Variants in CPQ observed in about 807,000 individuals in gnomAD.
CPQ encodes the protein Ser-Met dipeptidase.
In CPQ, 37 loss-of-function variants were observed where a neutral mutation model predicts 45.7. The ratio of observed to expected loss-of-function variants is 0.81; its 90% confidence interval spans 0.62 to 1.07. The LOEUF (loss-of-function observed/expected upper bound fraction) is 1.07. CPQ is among the 50% of genes least tolerant of loss of function. The probability of loss-of-function intolerance (pLI) is 0.00; values close to 1 mark genes in which losing one functional copy is unlikely to be tolerated. For missense variants in CPQ, 537 were observed against 572.9 expected (o/e 0.94, Z 0.64); for synonymous variants, 186 against 205.8 (o/e 0.90, Z 0.82).
intron 1 of CPQ, among the ~76,000 whole-genome samples, chr8:96,713,040 C>G (rs1306698264): frequency 6.6e-6 from 1 of 152,208 alleles, no homozygotes; most frequent in African/African-American, 2.4e-5. Context: ...CAAAATGCCA[C>G]CAGTCTCTTT....
chr8:96,890,850 G>A lies in CPQ; in HGVS notation c.849+10845G>A, dbSNP rs552872334. On this transcript the variant is annotated intron_variant, in intron 4 of 7. Coordinates refer to ENST00000220763, the MANE Select transcript of CPQ (RefSeq NM_016134.4). ...TTGCTAGTGGGTCACTAGGGGTGATGGTGAGTGATGCCACTTCCATTTCCA... is the reference window on the plus strand; with the variant it reads ...TTGCTAGTGGGTCACTAGGGGTGATAGTGAGTGATGCCACTTCCATTTCCA... Among the ~76,000 whole-genome samples, 8 of 152,300 alleles carry A rather than the reference G, an allele frequency of 5.3e-5. No individual in the cohort carries two copies. The East Asian group carries it at 1.5e-3, about 29-fold the overall frequency.
At chr8:96,920,342 A>C (rs775615961) in intron 4 of CPQ, among the ~76,000 whole-genome samples, 17 of 152,166 alleles carry the variant, frequency 1.1e-4, no homozygotes, top group Non-Finnish European at 2.1e-4. Context: ...TATGATCTAA[A>C]GTCCATTAGC....
intron 3 of CPQ, among the ~76,000 whole-genome samples, chr8:96,845,549 G>T (rs917412002): frequency 5.9e-5 from 9 of 152,066 alleles, no homozygotes; most frequent in East Asian, 1.9e-4. Flanking sequence ...TTGAGACAGG[G>T]TCTTGCTCTG....
At chr8:96,878,401 A>G (rs985421244) in intron 3 of CPQ, among the ~76,000 whole-genome samples, 1 of 152,234 alleles carries the variant, frequency 6.6e-6, no homozygotes, top group African/African-American at 2.4e-5. Context: ...TGAGTGATTA[A>G]TGTGTTTGAG....
At chr8:96,952,008 G>T (rs373730330) in intron 4 of CPQ, among the ~76,000 whole-genome samples, 43 of 152,118 alleles carry the variant, frequency 2.8e-4, no homozygotes, top group Admixed American at 5.2e-4. Context: ...GGGTAGGTTC[G>T]TATTATCATT....
chr8:96,898,364 G>A (rs971800691), intron 4 of CPQ, among the ~76,000 whole-genome samples: 1 of 152,118 alleles, frequency 6.6e-6, no homozygotes, highest in African/African-American at 2.4e-5. Flanking sequence ...CACTCTTTGA[G>A]GTTAGTAGTC....
intron 5 of CPQ, among the ~76,000 whole-genome samples, chr8:97,017,500 A>G (rs1012804657): frequency 6.6e-6 from 1 of 152,182 alleles, no homozygotes; most frequent in African/African-American, 2.4e-5. Context: ...CTGGGAGGCA[A>G]GTAGCCTGGG....
chr8:97,045,003 T>G (rs1349201429), intron 6 of CPQ, among the ~76,000 whole-genome samples: 1 of 152,194 alleles, frequency 6.6e-6, no homozygotes, highest in East Asian at 1.9e-4. Context: ...GGAGAACCAC[T>G]GCTCTCTTCA....
chr8:96,735,130 C>T (rs1158875675), intron 1 of CPQ, among the ~76,000 whole-genome samples: 1 of 152,118 alleles, frequency 6.6e-6, no homozygotes, highest in Non-Finnish European at 1.5e-5. Context: ...TTTTTCAGGA[C>T]ACTTATCACA....
At chr8:96,723,220 G>C (rs1018080577) in intron 1 of CPQ, among the ~76,000 whole-genome samples, 2 of 151,846 alleles carry the variant, frequency 1.3e-5, no homozygotes, top group Non-Finnish European at 2.9e-5. Context: ...TGGGTCTACT[G>C]GTTTTTAAAA....
chr8:96,907,230 G>T (rs973639974), intron 4 of CPQ, among the ~76,000 whole-genome samples: 1 of 152,106 alleles, frequency 6.6e-6, no homozygotes, highest in African/African-American at 2.4e-5. Context: ...GAGTAACTTT[G>T]CTCTGCATGG....
chr8:97,106,117 A>C (rs1469654814), intron 7 of CPQ, among the ~76,000 whole-genome samples: 1 of 152,180 alleles, frequency 6.6e-6, no homozygotes, highest in East Asian at 1.9e-4. Flanking sequence ...ACCAGCAGAG[A>C]TTGGAGGGCT....
chr8:97,043,539 C>T (rs1810173438), intron 6 of CPQ, among the ~76,000 whole-genome samples: 1 of 152,076 alleles, frequency 6.6e-6, no homozygotes, highest in Non-Finnish European at 1.5e-5. Context: ...ATGATGTTAG[C>T]TGGTTATTTT....
At chr8:97,057,830 G>A (rs929624761) in intron 6 of CPQ, among the ~76,000 whole-genome samples, 2 of 152,040 alleles carry the variant, frequency 1.3e-5, no homozygotes, top group Non-Finnish European at 2.9e-5. Flanking sequence ...TGAATGAAGT[G>A]CAATAGGCCA....
At chr8:96,884,342 G>C (rs115251727) in intron 4 of CPQ, among the ~76,000 whole-genome samples, 2 of 151,860 alleles carry the variant, frequency 1.3e-5, no homozygotes, top group South Asian at 4.1e-4. Context: ...ATTTCCCCCC[G>C]ATTTTTTTTC....
Position 96,713,960 on chromosome 8 carries a change from G to A in CPQ, c.-35+68558G>A, listed in dbSNP as rs192828042. On this transcript the variant is annotated intron_variant, in intron 1 of 7. Transcript: ENST00000220763. ...GTTATTCTTTTTAAGAGGCTAAAGCGGACACCAACTCCTTCTGGCTTGTAA... is the reference window on the plus strand; with the variant it reads ...GTTATTCTTTTTAAGAGGCTAAAGCAGACACCAACTCCTTCTGGCTTGTAA... Among the ~76,000 whole-genome samples the A allele has an allele frequency of 1.7e-4, 26 of 152,260 alleles. No homozygotes were observed. The South Asian group carries it at 3.3e-3, about 19-fold the overall frequency.
chr8:96,650,535 C>T (rs1039570559), intron 1 of CPQ, among the ~76,000 whole-genome samples: 3 of 152,322 alleles, frequency 2.0e-5, no homozygotes, highest in South Asian at 2.1e-4. Context: ...ATGGCTCAGA[C>T]GGCTCAGATC....
chr8:96,871,168 C>A (rs546318322), intron 3 of CPQ, among the ~76,000 whole-genome samples: 1 of 151,960 alleles, frequency 6.6e-6, no homozygotes, highest in Admixed American at 6.6e-5. Flanking sequence ...ACAAATATCT[C>A]ATATACAACT....
At chr8:96,646,821 CAT>C (rs1815524386) in intron 1 of CPQ, among the ~76,000 whole-genome samples, 1 of 152,178 alleles carries the variant, frequency 6.6e-6, no homozygotes, top group African/African-American at 2.4e-5. Flanking sequence ...CCTCCCATAG[CAT>C]TTTGTCTCTG....
Sources: allele counts gnomAD v4.1 joint callset (sites outside exome capture counted in the v4.1 genomes callset), GRCh38; gene constraint gnomAD v4.1.1; transcripts MANE v1.5; gene names NCBI Gene and HGNC (gene_info 2026-07-23, HGNC 2026-07-21).